The following BUD13 variants were observed in gnomAD, a reference collection of about 807,000 sequenced individuals.
The protein encoded by BUD13 is BUD13 spliceosome associated protein, also known as BUD13 homolog.
A neutral mutation model predicts 62.5 loss-of-function variants in BUD13; 47 were observed. The ratio of observed to expected loss-of-function variants is 0.75; its 90% confidence interval spans 0.60 to 0.96. The LOEUF (loss-of-function observed/expected upper bound fraction) is 0.96, where lower values mean the gene tolerates loss of function less well. Among genes scored for constraint, BUD13 ranks in the 40% least tolerant of loss-of-function variants. The pLI is 0.00. For synonymous variants in BUD13, 293 were observed against 280.1 expected (o/e 1.05, Z -0.46); for missense variants, 821 against 790.9 (o/e 1.04, Z -0.46).
intron 9 of BUD13, among the ~76,000 whole-genome samples, chr11:116,753,501 A>T (rs1940275742): frequency 6.6e-6 from 1 of 152,230 alleles, no homozygotes; most frequent in Non-Finnish European, 1.5e-5. Context: ...ATAAAAACTA[A>T]CACACTTAAG....
At chr11:116,758,430 A>C in intron 6 of BUD13, 23 bp from the exon 7 acceptor site, 5 of 1,612,392 alleles carry the variant, frequency 3.1e-6, no homozygotes, top group Non-Finnish European at 4.2e-6. Flanking sequence ...ATTATACTCA[A>C]ATATCAGGAT....
rs757564436 is a variant in BUD13, at chr11:116,760,914, G to T, written c.1075C>A (p.Pro359Thr). 1 of 1,614,100 alleles carries T rather than the reference G, an allele frequency of 6.2e-7. No homozygotes were observed. The highest frequency in any genetic ancestry group is 8.5e-7 in the Non-Finnish European group (1 of 1,180,010). Residue 359 changes from proline to threonine, a missense_variant, in exon 5 of 10, where the codon CCA becomes ACA. By Grantham distance (38) the Pro-to-Thr change is conservative. Coordinates refer to ENST00000260210, the MANE Select transcript of BUD13 (RefSeq NM_032725.4). ...TGCCCTGGACTTTGTTTATGCCGTG[G>T]AGAAGAAAGGTCTGAATCAGTTGCT... is the stretch of plus-strand genomic sequence containing the variant. ...QKATDSDLSS[P>T]RHKQSPGHQD...
At chr11:116,753,473 T>C (rs1194752243) in intron 9 of BUD13, among the ~76,000 whole-genome samples, 1 of 152,228 alleles carries the variant, frequency 6.6e-6, no homozygotes, top group Non-Finnish European at 1.5e-5. Flanking sequence ...AGTTCAGCTA[T>C]GTTAACTACC....
At position 116,765,433 on chromosome 11, in the gene BUD13, A is replaced by T. The variant is rs762118373; in HGVS notation, c.251T>A (p.Val84Glu). The change falls in exon 3 of 10, where the codon GTG (valine) becomes GAG (glutamate). Residue 84 changes from valine to glutamate, a missense_variant. Physicochemically the swap from Val to Glu is moderately radical, Grantham distance 121. Around this residue, in one of 2 missense-constraint regions of BUD13, gnomAD observed 800 missense variants for 739.2 expected, o/e 1.08. Coordinates refer to ENST00000260210, the MANE Select transcript of BUD13 (RefSeq NM_032725.4). ...DGDLPVVAEF[V>E]DERPEEVKQM... ...CTTTACCTCTTCTGGCCGCTCATCC[A>T]CAAACTCTGCCACCTGTGAGAGTAA... 5.6e-6 allele frequency: 9 copies of T among 1,614,036 alleles called. No homozygotes were observed. In the African/African-American group the frequency reaches 1.1e-4, roughly 19 times the overall value.
intron 9 of BUD13, among the ~76,000 whole-genome samples, chr11:116,752,059 T>G (rs1001540789): frequency 6.6e-6 from 1 of 152,152 alleles, no homozygotes; most frequent in Non-Finnish European, 1.5e-5. Context: ...TTCTCCTGCC[T>G]CAGCCTTCCG....
chr11:116,772,889 G>A lies in BUD13; in HGVS notation c.76C>T (p.Arg26Trp), dbSNP rs779060572. ...CGCTTGCGACCGGACTCAGATCCCC[G>A]GTCGACGCCGGCATCTGCCCCGGAC... is the stretch of plus-strand genomic sequence containing the variant. ...YLSGADAGVD[R>W]GSESGRKRRK... The change falls in exon 1 of 10, where the codon CGG (arginine) becomes TGG (tryptophan). Residue 26 changes from arginine (R) to tryptophan (W), a missense_variant. Physicochemically the swap from Arg to Trp is moderately radical, Grantham distance 101. Around this residue, in one of 2 missense-constraint regions of BUD13, gnomAD observed 800 missense variants for 739.2 expected, o/e 1.08. Coordinates refer to ENST00000260210, the MANE Select transcript of BUD13 (RefSeq NM_032725.4). The A allele has an allele frequency of 8.2e-6, 13 of 1,588,946 alleles. No individual in the cohort carries two copies. The highest frequency in any genetic ancestry group is 4.1e-5 in the African/African-American group (3 of 73,278).
In BUD13 at chr11:116,763,551, A is replaced by T. The variant is rs2098454; in HGVS notation, c.323-285T>A. ...AGGGCAGGTACCCTTGTATTACAGC[A>T]TGAAAACAGAGGCCACAGCCTCTGT... On this transcript the variant is annotated intron_variant, in intron 3 of 9. Coordinates refer to ENST00000260210, the MANE Select transcript of BUD13 (RefSeq NM_032725.4). Among the ~76,000 whole-genome samples, 44 of 152,240 alleles carry T rather than the reference A, an allele frequency of 2.9e-4. No individual in the cohort carries two copies. In the East Asian group the frequency reaches 8.3e-3, roughly 29 times the overall value.
In BUD13 at chr11:116,759,072, AC is replaced by A. The variant is rs546246109; in HGVS notation, c.1360+1del. Reference sequence around the variant, plus strand: ...TTGGTCTCTGCACTTTCATATTTTTACCTTCAAATGCCATGGTTTCTTGATC... The same window carrying A: ...TTGGTCTCTGCACTTTCATATTTTTACTTCAAATGCCATGGTTTCTTGATC... On this transcript the variant is annotated splice_donor_variant, in intron 6 of 9. Coordinates refer to ENST00000260210, the MANE Select transcript of BUD13 (RefSeq NM_032725.4). LOFTEE classifies it high-confidence loss of function. The A allele has an allele frequency of 1.9e-6, 3 of 1,609,160 alleles. No homozygotes were observed. Among genetic ancestry groups the A allele is most frequent in the Non-Finnish European group, 2.5e-6 (3 of 1,177,034 alleles).
rs753401362 is a variant in BUD13 at position 116,760,760 on chromosome 11, C to T, written c.1229G>A (p.Arg410Gln). 9.3e-6 allele frequency: 15 copies of T among 1,613,956 alleles called. No individual in the cohort carries two copies. The Admixed American group carries it at 1.2e-4, about 13-fold the overall frequency. Residue 410 changes from arginine (R) to glutamine (Q), a missense_variant, in exon 5 of 10, where the codon CGA (arginine) becomes CAA (glutamine). Around this residue, in one of 2 missense-constraint regions of BUD13, gnomAD observed 800 missense variants for 739.2 expected, o/e 1.08. Transcript: ENST00000260210. ...KSSDSDLSPP[R>Q]RSQPPGKKAA... ...CTTCTTTCCAGGAGGCTGACTCCTT[C>T]GAGGCGGGGACAGGTCAGAATCAGA...
chr11:116,753,964 T>C (rs766151453), intron 9 of BUD13, among the ~76,000 whole-genome samples: 1 of 152,230 alleles, frequency 6.6e-6, no homozygotes. Flanking sequence ...AGCTACAGAA[T>C]ATACGTTCTC....
At position 116,772,980 on chromosome 11, in the gene BUD13, A is replaced by G; in HGVS notation, c.-16T>C. The G allele has an allele frequency of 6.6e-7, 1 of 1,526,458 alleles. No individual in the cohort carries two copies. Among genetic ancestry groups the G allele is most frequent in the Non-Finnish European group, 8.8e-7 (1 of 1,131,034 alleles). The allele number at this position is 1,526,458 out of a possible 1,614,324, so 94.6% of individuals were successfully genotyped here. ...CTGCCGCCATGGCAGCGGCGGGGGC[A>G]GAGAGACGGGTCGGCGCTGGGGACA... On this transcript the variant is annotated 5_prime_UTR_variant, in exon 1 of 10. Coordinates refer to ENST00000260210, the MANE Select transcript of BUD13 (RefSeq NM_032725.4).
intron 4 of BUD13, among the ~76,000 whole-genome samples, chr11:116,761,248 C>T (rs973571343): frequency 1.1e-4 from 17 of 151,878 alleles, no homozygotes; most frequent in East Asian, 9.7e-4. Flanking sequence ...GATGGGGTTT[C>T]GCTATGTTGG....
Position 116,760,741 on chromosome 11 carries a change from T to C in BUD13, c.1248A>G (p.Gly416=). The C allele has an allele frequency of 6.2e-7, 1 of 1,614,166 alleles. No homozygotes were observed. The highest frequency in any genetic ancestry group is 1.1e-5 in the South Asian group (1 of 91,084). Residue 416 remains glycine (G), a synonymous_variant, in exon 5 of 10, where the codon GGA becomes GGG. Transcript: ENST00000260210. ...GGCTCCTGAAAATCCTGACCTTCTT[T>C]CCAGGAGGCTGACTCCTTCGAGGCG... ...LSPPRRSQPP[G]KKAAHMYSGA...
chr11:116,748,826 C>A (rs1482079364), intron 9 of BUD13, among the ~76,000 whole-genome samples: 1 of 151,826 alleles, frequency 6.6e-6, no homozygotes, highest in African/African-American at 2.4e-5. Flanking sequence ...TCTCTACTAA[C>A]AATACAAAAA....
intron 4 of BUD13, 149 bp downstream of exon 4, chr11:116,762,404 A>G (rs1591299673): frequency 6.3e-6 from 4 of 638,956 alleles, no homozygotes; most frequent in African/African-American, 3.7e-5. Context: ...CCCTGCCACC[A>G]TAATTGTTCA....
At chr11:116,772,707 C>T (rs1360526466) in intron 1 of BUD13, 115 bp downstream of exon 1, 2 of 1,341,208 alleles carry the variant, frequency 1.5e-6, no homozygotes, top group African/African-American at 1.5e-5. Flanking sequence ...GAGCAGGGGT[C>T]GGCGGAGAAG....
At chr11:116,758,431 ATATCAG>A (rs1293480964) in intron 6 of BUD13, 24 bp from the exon 7 acceptor site, 1 of 1,612,286 alleles carries the variant, frequency 6.2e-7, no homozygotes, top group Non-Finnish European at 8.5e-7. Context: ...TTATACTCAA[ATATCAG>A]GATCAAAATC....
Position 116,763,037 on chromosome 11 carries a change from G to A in BUD13, c.552C>T (p.Ser184=), listed in dbSNP as rs1260662100. 6.2e-7 allele frequency: 1 copy of A among 1,613,360 alleles called. No homozygotes were observed. Among genetic ancestry groups the A allele is most frequent in the South Asian group, 1.1e-5 (1 of 91,054 alleles). Residue 184 remains serine (S), a synonymous_variant, in exon 4 of 10, where the codon TCC becomes TCT. Coordinates refer to ENST00000260210, the MANE Select transcript of BUD13 (RefSeq NM_032725.4). The part of the protein sequence containing the change: ...TSPPRRIRHD[S]SDTSPPRRAR... Reference sequence around the variant, plus strand: ...CCCTCCTTGGGGGTGAAGTGTCTGAGGAGTCATGACGGATCCTCCTGGGAG... The same window carrying A: ...CCCTCCTTGGGGGTGAAGTGTCTGAAGAGTCATGACGGATCCTCCTGGGAG...
At chr11:116,758,107 G>A (rs891851912) in intron 7 of BUD13, among the ~76,000 whole-genome samples, 157 bp from the exon 8 acceptor site, 7 of 152,188 alleles carry the variant, frequency 4.6e-5, no homozygotes, top group African/African-American at 9.7e-5. Flanking sequence ...CACTAGAAGC[G>A]TGGAATATAT....
Sources: allele counts gnomAD v4.1 joint callset (sites outside exome capture counted in the v4.1 genomes callset), GRCh38; gene constraint gnomAD v4.1.1; regional missense constraint gnomAD v4.1.1; transcripts MANE v1.5; gene names NCBI Gene and HGNC (gene_info 2026-07-23, HGNC 2026-07-21).